The following CNTNAP2 variants were observed in gnomAD, a reference collection of about 807,000 sequenced individuals.
CNTNAP2 encodes contactin associated protein 2, also known as contactin-associated protein-like 2.
Under a neutral mutation model 155.2 loss-of-function variants are expected in CNTNAP2, and 98 were observed. That is an observed-to-expected ratio of 0.63 (90% CI 0.54 to 0.75). The LOEUF is 0.75. Among genes scored for constraint, CNTNAP2 ranks in the 30% least tolerant of loss-of-function variants. The pLI is 0.00. For synonymous variants in CNTNAP2, 651 were observed against 631.2 expected (o/e 1.03, Z -0.47); for missense variants, 1,727 against 1,688.1 (o/e 1.02, Z -0.40).
At chr7:146,625,074 C>G (rs1391508770) in intron 1 of CNTNAP2, among the ~76,000 whole-genome samples, 2 of 151,818 alleles carry the variant, frequency 1.3e-5, no homozygotes, top group Non-Finnish European at 2.9e-5. Flanking sequence ...TGCATTCATA[C>G]AAGAAATTTA....
chr7:148,356,978 C>T (rs145963655), intron 21 of CNTNAP2, among the ~76,000 whole-genome samples: 4 of 152,096 alleles, frequency 2.6e-5, no homozygotes, highest in East Asian at 1.9e-4. Flanking sequence ...TGATTTGAAG[C>T]GTGAGGCCCT....
chr7:146,132,670 G>T (rs1175940219), intron 1 of CNTNAP2, among the ~76,000 whole-genome samples: 16 of 150,474 alleles, frequency 1.1e-4, no homozygotes, highest in Non-Finnish European at 4.4e-5. Context: ...GCGGTGTTTG[G>T]TTTTTTGTTC....
intron 5 of CNTNAP2, among the ~76,000 whole-genome samples, chr7:147,110,885 A>T (rs1800863556): frequency 6.6e-6 from 1 of 152,122 alleles, no homozygotes; most frequent in South Asian, 2.1e-4. Flanking sequence ...CTTTGGGTTT[A>T]TATCCAGTAA....
chr7:147,067,763 C>T (rs1445348054), intron 4 of CNTNAP2, among the ~76,000 whole-genome samples: 1 of 152,192 alleles, frequency 6.6e-6, no homozygotes, highest in East Asian at 1.9e-4. Context: ...TTTCAACAAG[C>T]ATTCTGTTGA....
At chr7:147,825,797 G>T (rs1798436925) in intron 13 of CNTNAP2, among the ~76,000 whole-genome samples, 1 of 152,168 alleles carries the variant, frequency 6.6e-6, no homozygotes, top group Non-Finnish European at 1.5e-5. Context: ...TGCTCTGACA[G>T]TTGGAGGGCA....
At chr7:148,368,933 G>T (rs1045741393) in intron 21 of CNTNAP2, among the ~76,000 whole-genome samples, 2 of 152,140 alleles carry the variant, frequency 1.3e-5, no homozygotes, top group Admixed American at 6.5e-5. Flanking sequence ...GGTCAGGCGG[G>T]CCCAGGCCTG....
intron 2 of CNTNAP2, among the ~76,000 whole-genome samples, chr7:146,811,526 T>A (rs1186321849): frequency 2.0e-5 from 3 of 152,116 alleles, no homozygotes; most frequent in African/African-American, 7.2e-5. Flanking sequence ...TAGTCTTTTT[T>A]TCTTTGTTAG....
chr7:147,025,270 A>C (rs894509283), intron 3 of CNTNAP2, among the ~76,000 whole-genome samples: 1 of 121,542 alleles, frequency 8.2e-6, no homozygotes, highest in Non-Finnish European at 1.7e-5. Context: ...CTGGAAACAG[A>C]GTCAGACTCT....
chr7:146,818,576 G>T (rs1182991537), intron 2 of CNTNAP2, among the ~76,000 whole-genome samples: 1 of 152,104 alleles, frequency 6.6e-6, no homozygotes, highest in East Asian at 1.9e-4. Flanking sequence ...GGACTCATCA[G>T]AACTCAAACT....
chr7:148,210,203 A>G (rs1795520868), intron 18 of CNTNAP2, among the ~76,000 whole-genome samples: 1 of 152,226 alleles, frequency 6.6e-6, no homozygotes, highest in African/African-American at 2.4e-5. Context: ...TCAAAAAGCG[A>G]GTTGGTGGCA....
intron 4 of CNTNAP2, among the ~76,000 whole-genome samples, chr7:147,059,415 G>A (rs1799621330): frequency 6.8e-6 from 1 of 146,222 alleles, no homozygotes. Flanking sequence ...CTGGGGAGGG[G>A]GTTATATGAT....
chr7:148,162,824 T>C (rs1805575184), intron 17 of CNTNAP2, among the ~76,000 whole-genome samples: 1 of 151,420 alleles, frequency 6.6e-6, no homozygotes, highest in Admixed American at 6.6e-5. Context: ...AGCAAGACCT[T>C]GTCTCTACAA....
intron 3 of CNTNAP2, among the ~76,000 whole-genome samples, chr7:146,947,527 ATGTG>A (rs1211183431): frequency 3.2e-5 from 4 of 124,770 alleles, no homozygotes; most frequent in South Asian, 2.5e-4. Context: ...GTGTGTATGT[ATGTG>A]TGTGTGTGTG....
chr7:146,352,219 A>G (rs1047112999), intron 1 of CNTNAP2, among the ~76,000 whole-genome samples: 2 of 152,204 alleles, frequency 1.3e-5, no homozygotes, highest in Non-Finnish European at 2.9e-5. Context: ...TTTCAAGTGA[A>G]ACATTTTATT....
chr7:147,450,114 C>G (rs1321063683), intron 10 of CNTNAP2, among the ~76,000 whole-genome samples: 1 of 152,188 alleles, frequency 6.6e-6, no homozygotes, highest in African/African-American at 2.4e-5. Flanking sequence ...AACTGACTTT[C>G]AGATTATCCA....
chr7:148,159,484 C>A (rs563717841), intron 17 of CNTNAP2, among the ~76,000 whole-genome samples: 2 of 152,254 alleles, frequency 1.3e-5, no homozygotes, highest in African/African-American at 4.8e-5. Context: ...TTGAGTAGTT[C>A]TCTGAATACT....
intron 9 of CNTNAP2, among the ~76,000 whole-genome samples, chr7:147,361,048 T>C (rs1190525522): frequency 6.6e-6 from 1 of 152,026 alleles, no homozygotes; most frequent in East Asian, 1.9e-4. Context: ...CTGGAGATTG[T>C]AGAAAGCCAA....
At position 147,317,776 on chromosome 7, in the gene CNTNAP2, ATG is replaced by A. The variant is rs1179574989; in HGVS notation, c.1498+17508_1498+17509del. ...TCAAAAAAAGGATATATATATATAT[ATG>A]TGTGTGTGTGTGTGTGTGTGTATAT... On this transcript the variant is annotated intron_variant, in intron 9 of 23. Coordinates refer to ENST00000361727, the MANE Select transcript of CNTNAP2 (RefSeq NM_014141.6). Among the ~76,000 whole-genome samples the A allele has an allele frequency of 4.8e-3, 639 of 134,264 alleles. 4 individuals are homozygous for A. The highest frequency in any genetic ancestry group is 7.6e-3 in the Middle Eastern group (2 of 262). The allele number at this position is 134,264 out of a possible 152,430, so 88.1% of individuals were successfully genotyped here. A position where few individuals can be genotyped will look rare whatever the true frequency, so the allele number is the denominator to read the frequency against.
At chr7:146,926,041 A>G (rs182349446) in intron 3 of CNTNAP2, among the ~76,000 whole-genome samples, 2 of 152,234 alleles carry the variant, frequency 1.3e-5, no homozygotes, top group Admixed American at 6.5e-5. Flanking sequence ...TGCTTATGTT[A>G]TTTATCAAGC....
Sources: gnomAD v4.1 joint callset for allele counts (sites outside exome capture counted in the v4.1 genomes callset) on GRCh38, gnomAD v4.1.1 for gene constraint, MANE v1.5 for transcripts, NCBI Gene and HGNC (gene_info 2026-07-23, HGNC 2026-07-21) for gene names.